The following ATG10 variants were observed in gnomAD, a reference collection of about 807,000 sequenced individuals.
ATG10 encodes autophagy related 10.
Under a neutral mutation model 32.1 loss-of-function variants are expected in ATG10, and 30 were observed. That is an observed-to-expected ratio of 0.94 (90% CI 0.70 to 1.27). The LOEUF (loss-of-function observed/expected upper bound fraction) is 1.27. Ranked by LOEUF, ATG10 falls within the 50% of genes most tolerant of loss-of-function variation. The pLI is 0.00. For missense variants in ATG10, 233 were observed against 262.3 expected (o/e 0.89, Z 0.77); for synonymous variants, 87 against 91.5 (o/e 0.95, Z 0.28).
chr5:82,010,546 G>A (rs1227463978), intron 2 of ATG10, among the ~76,000 whole-genome samples: 3 of 152,146 alleles, frequency 2.0e-5, no homozygotes. Flanking sequence ...GTCGATCCAT[G>A]ATAGGATAAA....
chr5:82,026,985 G>A (rs1243245715), intron 2 of ATG10, among the ~76,000 whole-genome samples: 2 of 150,780 alleles, frequency 1.3e-5, no homozygotes, highest in Admixed American at 1.3e-4. Flanking sequence ...CTTGAACCCA[G>A]GAGGCGGAGT....
chr5:82,085,731 T>G (rs1169256385), intron 3 of ATG10, among the ~76,000 whole-genome samples: 1 of 152,132 alleles, frequency 6.6e-6, no homozygotes, highest in Non-Finnish European at 1.5e-5. Context: ...GTTATTCTAT[T>G]AAGTTAGTAA....
At chr5:82,048,377 A>G (rs9763804) in intron 2 of ATG10, among the ~76,000 whole-genome samples, 2,853 of 149,242 alleles carry the variant, frequency 0.019, 87 homozygotes, top group African/African-American at 0.067. Flanking sequence ...ATTTGTTTGT[A>G]TCCTCTTTTA....
At chr5:82,132,895 G>C (rs1345263529) in intron 3 of ATG10, among the ~76,000 whole-genome samples, 1 of 152,120 alleles carries the variant, frequency 6.6e-6, no homozygotes, top group Non-Finnish European at 1.5e-5. Context: ...ATCCTCTCCA[G>C]CATCTATTGT....
At chr5:82,011,031 C>T (rs961430255) in intron 2 of ATG10, among the ~76,000 whole-genome samples, 20 of 152,140 alleles carry the variant, frequency 1.3e-4, no homozygotes, top group Non-Finnish European at 2.5e-4. Flanking sequence ...TGGACCACTG[C>T]GTTCCCATAT....
At position 82,082,210 on chromosome 5, in the gene ATG10, A is replaced by G. The variant is rs1355060386; in HGVS notation, c.216+23608A>G. 2.0e-5 allele frequency among the ~76,000 whole-genome samples: 3 copies of G among 152,120 alleles called. No homozygotes were observed. In the East Asian group the frequency reaches 5.8e-4, roughly 29 times the overall value. On this transcript the variant is annotated intron_variant, in intron 3 of 7. Transcript: ENST00000282185. ...TCATTCAGTTTTCTTGATAGACTTT[A>G]GCTCCTGCCCTCTAAACATCTGTCA...
At chr5:82,210,412 C>T (rs1456407386) in intron 5 of ATG10, among the ~76,000 whole-genome samples, 1 of 152,092 alleles carries the variant, frequency 6.6e-6, no homozygotes, top group African/African-American at 2.4e-5. Flanking sequence ...GATCTGTTTC[C>T]AATACCCTTA....
At chr5:82,112,473 A>G (rs977491606) in intron 3 of ATG10, among the ~76,000 whole-genome samples, 3 of 151,818 alleles carry the variant, frequency 2.0e-5, no homozygotes, top group Non-Finnish European at 4.4e-5. Flanking sequence ...AGAAAAATTT[A>G]TTATTTTGTA....
chr5:82,007,380 C>T (rs1762013418), intron 2 of ATG10, among the ~76,000 whole-genome samples: 1 of 152,196 alleles, frequency 6.6e-6, no homozygotes, highest in Admixed American at 6.5e-5. Flanking sequence ...CACCATGTCT[C>T]ACATTTGCTA....
chr5:82,190,239 TATC>T (rs1744604009), intron 5 of ATG10, among the ~76,000 whole-genome samples: 1 of 152,072 alleles, frequency 6.6e-6, no homozygotes, highest in African/African-American at 2.4e-5. Flanking sequence ...AAATACAAAA[TATC>T]ATAAAGAAGA....
chr5:82,184,272 A>G (rs1744361267), intron 5 of ATG10, among the ~76,000 whole-genome samples: 1 of 152,208 alleles, frequency 6.6e-6, no homozygotes, highest in Non-Finnish European at 1.5e-5. Flanking sequence ...GGGAAGACTA[A>G]ATGAATCAAT....
chr5:82,007,180 T>TTG, intron 2 of ATG10, among the ~76,000 whole-genome samples: 1 of 152,332 alleles, frequency 6.6e-6, no homozygotes, highest in African/African-American at 2.4e-5. Flanking sequence ...ATTCATTATT[T>TTG]CTACAAATTT....
intron 4 of ATG10, among the ~76,000 whole-genome samples, chr5:82,173,214 C>G (rs894904395): frequency 6.6e-6 from 1 of 152,170 alleles, no homozygotes; most frequent in Non-Finnish European, 1.5e-5. Flanking sequence ...CTCCAGCGTG[C>G]TTGCACTAGA....
At chr5:82,246,742 T>G (rs914378594) in intron 5 of ATG10, among the ~76,000 whole-genome samples, 1 of 152,146 alleles carries the variant, frequency 6.6e-6, no homozygotes, top group African/African-American at 2.4e-5. Context: ...TAGTCTTTTT[T>G]ATTCACCATT....
chr5:82,052,054 G>A (rs908800860), intron 2 of ATG10, among the ~76,000 whole-genome samples: 1 of 152,086 alleles, frequency 6.6e-6, no homozygotes, highest in African/African-American at 2.4e-5. Flanking sequence ...GATCAGTGCT[G>A]GCATTGACCT....
At chr5:82,001,996 AAAG>A (rs1349564981) in intron 2 of ATG10, among the ~76,000 whole-genome samples, 3 of 152,218 alleles carry the variant, frequency 2.0e-5, no homozygotes, top group South Asian at 2.1e-4. Flanking sequence ...ACACTTCTCA[AAAG>A]AAGAAGACAT....
chr5:82,192,738 GA>G (rs1744710882), intron 5 of ATG10, among the ~76,000 whole-genome samples: 1 of 152,142 alleles, frequency 6.6e-6, no homozygotes, highest in Non-Finnish European at 1.5e-5. Context: ...TCATGGAAAG[GA>G]AAAGCAGTGG....
intron 3 of ATG10, among the ~76,000 whole-genome samples, chr5:82,138,012 T>A (rs187424281): frequency 2.0e-5 from 3 of 152,254 alleles, no homozygotes; most frequent in Admixed American, 1.3e-4. Context: ...TCCCAGAGGC[T>A]TTGTTTATAC....
At chr5:82,203,650 G>C (rs185990203) in intron 5 of ATG10, among the ~76,000 whole-genome samples, 7 of 151,916 alleles carry the variant, frequency 4.6e-5, no homozygotes, top group Admixed American at 4.6e-4. Context: ...GTAAGCCAGG[G>C]GAGTTTAATC....
Sources: gnomAD v4.1 joint callset for allele counts (sites outside exome capture counted in the v4.1 genomes callset) on GRCh38, gnomAD v4.1.1 for gene constraint, MANE v1.5 for transcripts, NCBI Gene and HGNC (gene_info 2026-07-23, HGNC 2026-07-21) for gene names.